The following FOXK2 variants were observed in gnomAD, a reference collection of about 807,000 sequenced individuals.
The protein encoded by FOXK2 is forkhead box protein K2.
Under a neutral mutation model 53.3 loss-of-function variants are expected in FOXK2, and 24 were observed. That is an observed-to-expected ratio of 0.45 (90% CI 0.33 to 0.63). FOXK2 has a LOEUF of 0.63. Among genes scored for constraint, FOXK2 ranks in the 30% least tolerant of loss-of-function variants. The pLI is 0.03. For missense variants in FOXK2, 952 were observed against 910.5 expected (o/e 1.05, Z -0.59); for synonymous variants, 505 against 407.1 (o/e 1.24, Z -2.89).
At chr17:82,528,675 G>A (rs1365567686) in intron 1 of FOXK2, among the ~76,000 whole-genome samples, 1 of 152,172 alleles carries the variant, frequency 6.6e-6, no homozygotes, top group East Asian at 1.9e-4. Flanking sequence ...AAAGTACCTC[G>A]TGCCAGAGCC....
At chr17:82,565,903 T>C (rs2044846920) in intron 2 of FOXK2, among the ~76,000 whole-genome samples, 1 of 152,166 alleles carries the variant, frequency 6.6e-6, no homozygotes, top group Non-Finnish European at 1.5e-5. Context: ...GAAGATACAA[T>C]GGAATATTAT....
In FOXK2 at chr17:82,531,180, T is replaced by C. The variant is rs2044469262; in HGVS notation, c.419+10873T>C. On this transcript the variant is annotated intron_variant, in intron 1 of 8. Coordinates refer to ENST00000335255, the MANE Select transcript of FOXK2 (RefSeq NM_004514.4). ...TTACATTGTACACTTCCTGGGGTTG[T>C]AGCCTTTGACCCCTGGGTGACCTCC... 2.0e-5 allele frequency among the ~76,000 whole-genome samples: 3 copies of C among 152,178 alleles called. No individual in the cohort carries two copies. In the South Asian group the frequency reaches 6.2e-4, roughly 32 times the overall value.
chr17:82,586,804 G>C (rs1489223984), intron 7 of FOXK2, among the ~76,000 whole-genome samples: 1 of 152,114 alleles, frequency 6.6e-6, no homozygotes, highest in Non-Finnish European at 1.5e-5. Flanking sequence ...GGGAGGCTGA[G>C]GCGGGAGAAT....
At position 82,577,306 on chromosome 17, in the gene FOXK2, G is replaced by T. The variant is rs184380863; in HGVS notation, c.910-5435G>T. ...ACTGGAACTCGTTATCCATGATAAC[G>T]TTCTCTAAATATCCAACCACAACAG... On this transcript the variant is annotated intron_variant, in intron 4 of 8. Coordinates refer to ENST00000335255, the MANE Select transcript of FOXK2 (RefSeq NM_004514.4). 1.5e-5 allele frequency: 16 copies of T among 1,060,230 alleles called. No individual in the cohort carries two copies. In the East Asian group the frequency reaches 3.2e-4, roughly 21 times the overall value. 65.7% of individuals were successfully genotyped at this position (1,060,230 alleles called of 1,614,324 possible). A position where few individuals can be genotyped will look rare whatever the true frequency, so the allele number is the denominator to read the frequency against.
At chr17:82,559,009 A>G (rs1428132571) in intron 1 of FOXK2, among the ~76,000 whole-genome samples, 1 of 152,022 alleles carries the variant, frequency 6.6e-6, no homozygotes, top group East Asian at 1.9e-4. Context: ...TTGGTCTCCC[A>G]GAGTGCTGGA....
chr17:82,546,113 G>GTTTTTTTTTTTTTT (rs1282305641), intron 1 of FOXK2, among the ~76,000 whole-genome samples: 1 of 97,968 alleles, frequency 1.0e-5, no homozygotes, highest in Admixed American at 1.2e-4. Context: ...AAGCATGGTT[G>GTTTTTTTTTTTTTT]GTTTTTTTTT....
rs1238413899 is a variant in FOXK2 at position 82,601,532 on chromosome 17, C to T, written c.*33C>T. On this transcript the variant is annotated 3_prime_UTR_variant, in exon 9 of 9. Transcript: ENST00000335255. ...GAGAGCTTTTCTTTAACGATATCAA[C>T]TCTGTGGTGCCAAAAGGAGACGCGG... is the stretch of plus-strand genomic sequence containing the variant. 2.6e-6 allele frequency: 4 copies of T among 1,565,758 alleles called. No homozygotes were observed. Among genetic ancestry groups the T allele is most frequent in the East Asian group, 4.5e-5 (2 of 44,130 alleles).
intron 4 of FOXK2, among the ~76,000 whole-genome samples, chr17:82,573,889 T>G (rs1056647363): frequency 2.6e-5 from 4 of 152,366 alleles, no homozygotes; most frequent in South Asian, 2.1e-4. Flanking sequence ...GCTTTCTTGC[T>G]AAAGAGGGTG....
intron 4 of FOXK2, 22 bp from the exon 5 acceptor site, chr17:82,582,719 C>T (rs745764006): frequency 1.4e-5 from 21 of 1,528,582 alleles, no homozygotes; most frequent in East Asian, 2.4e-5. Context: ...ATGAATTCTA[C>T]GTATTTTTTT....
At chr17:82,566,618 A>T (rs2044853858) in intron 2 of FOXK2, among the ~76,000 whole-genome samples, 2 of 152,194 alleles carry the variant, frequency 1.3e-5, no homozygotes, top group Non-Finnish European at 1.5e-5. Context: ...AGCAGCCTTG[A>T]AGACCCCACT....
chr17:82,520,545 C>T (rs1034305218), intron 1 of FOXK2, among the ~76,000 whole-genome samples: 4 of 152,200 alleles, frequency 2.6e-5, no homozygotes, highest in Admixed American at 1.3e-4. Context: ...TTTCCCCCTT[C>T]CTGGAGCCGG....
At chr17:82,550,437 G>T (rs554032489) in intron 1 of FOXK2, among the ~76,000 whole-genome samples, 135 of 151,604 alleles carry the variant, frequency 8.9e-4, no homozygotes, top group African/African-American at 3.2e-3. Flanking sequence ...AAAGATAAAT[G>T]ATTAGGGATT....
At chr17:82,556,942 A>T (rs1017032103) in intron 1 of FOXK2, among the ~76,000 whole-genome samples, 1 of 151,998 alleles carries the variant, frequency 6.6e-6, no homozygotes, top group Admixed American at 6.6e-5. Flanking sequence ...ACCTCAGGTG[A>T]TCCACCTGCT....
At chr17:82,551,921 A>G (rs372800798) in intron 1 of FOXK2, among the ~76,000 whole-genome samples, 40 of 152,200 alleles carry the variant, frequency 2.6e-4, no homozygotes, top group African/African-American at 9.4e-4. Flanking sequence ...ACGGTGCTCC[A>G]CCTCCTGCAC....
chr17:82,551,082 C>G (rs1466916283), intron 1 of FOXK2, among the ~76,000 whole-genome samples: 1 of 151,100 alleles, frequency 6.6e-6, no homozygotes, highest in African/African-American at 2.4e-5. Context: ...CTTTGGGAGG[C>G]CGAGGCGGGC....
chr17:82,534,272 T>C (rs1032025460), intron 1 of FOXK2, among the ~76,000 whole-genome samples: 2 of 152,006 alleles, frequency 1.3e-5, no homozygotes, highest in East Asian at 1.9e-4. Context: ...ATGGCTGATA[T>C]GTAGAGGGGT....
intron 4 of FOXK2, among the ~76,000 whole-genome samples, chr17:82,577,813 C>T (rs2045007647): frequency 6.6e-6 from 1 of 152,204 alleles, no homozygotes; most frequent in Non-Finnish European, 1.5e-5. Context: ...TCTCAGCTCA[C>T]TGCAACCTTT....
At chr17:82,601,202 G>T (rs540482209) in intron 8 of FOXK2, 101 bp from the exon 9 acceptor site, 9 of 1,253,478 alleles carry the variant, frequency 7.2e-6, no homozygotes, top group Non-Finnish European at 1.0e-5. Flanking sequence ...ACATGAGAGC[G>T]TGGGGTTCTG....
intron 1 of FOXK2, among the ~76,000 whole-genome samples, chr17:82,543,998 A>G (rs1043873495): frequency 1.3e-5 from 2 of 151,896 alleles, no homozygotes; most frequent in African/African-American, 4.8e-5. Flanking sequence ...GGATGGTCTC[A>G]ATCTCCTGAC....
Sources: allele counts gnomAD v4.1 joint callset (sites outside exome capture counted in the v4.1 genomes callset), GRCh38; gene constraint gnomAD v4.1.1; transcripts MANE v1.5; gene names NCBI Gene and HGNC (gene_info 2026-07-23, HGNC 2026-07-21).